Variants in XYLT1 observed in about 807,000 individuals in gnomAD.
XYLT1 encodes beta-D-xylosyltransferase 1.
In XYLT1, 36 loss-of-function variants were observed where a neutral mutation model predicts 91.3. The observed-to-expected ratio is 0.39, with a 90% CI of 0.30 to 0.52. The LOEUF (loss-of-function observed/expected upper bound fraction) is 0.52, where lower values mean the gene tolerates loss of function less well. Among genes scored for constraint, XYLT1 ranks in the 20% least tolerant of loss-of-function variants. XYLT1 has a pLI of 0.68. For missense variants in XYLT1, 1,242 were observed against 1,284.5 expected, an observed-to-expected ratio of 0.97 and a Z score of 0.51; for synonymous variants, 588 against 532.0, an observed-to-expected ratio of 1.11 and a Z score of -1.45.
chr16:17,400,210 G>A (rs2035946102), intron 1 of XYLT1, among the ~76,000 whole-genome samples: 3 of 152,194 alleles, frequency 2.0e-5, no homozygotes. Flanking sequence ...AACAGTGGGT[G>A]CAGCTGACCC....
chr16:17,129,271 T>C (rs117691946), intron 9 of XYLT1, among the ~76,000 whole-genome samples: 1 of 152,156 alleles, frequency 6.6e-6, no homozygotes, highest in Non-Finnish European at 1.5e-5. Flanking sequence ...ATTTTATTTA[T>C]TTATTTTTGA....
intron 1 of XYLT1, among the ~76,000 whole-genome samples, chr16:17,370,648 A>G (rs1365975111): frequency 6.6e-6 from 1 of 152,232 alleles, no homozygotes; most frequent in African/African-American, 2.4e-5. Flanking sequence ...GAGGTGGCCA[A>G]CAGAAACTGG....
intron 3 of XYLT1, among the ~76,000 whole-genome samples, chr16:17,241,122 G>T (rs2033338777): frequency 6.6e-6 from 1 of 152,226 alleles, no homozygotes; most frequent in Non-Finnish European, 1.5e-5. Flanking sequence ...CCGCTGATCT[G>T]CTGCAGTCTT....
At chr16:17,179,763 T>C (rs2032025586) in intron 5 of XYLT1, among the ~76,000 whole-genome samples, 1 of 152,246 alleles carries the variant, frequency 6.6e-6, no homozygotes, top group Non-Finnish European at 1.5e-5. Context: ...TTTCATTTTA[T>C]TTATTTATTT....
chr16:17,179,105 G>A (rs2032009625), intron 5 of XYLT1, among the ~76,000 whole-genome samples: 1 of 152,008 alleles, frequency 6.6e-6, no homozygotes, highest in South Asian at 2.1e-4. Context: ...GAACGGAGCT[G>A]GAGGCTTTTA....
intron 3 of XYLT1, among the ~76,000 whole-genome samples, chr16:17,223,248 T>C (rs775788878): frequency 2.6e-5 from 4 of 152,244 alleles, no homozygotes; most frequent in Admixed American, 2.6e-4. Flanking sequence ...GTTCCCAGCA[T>C]TGGGGAAGCT....
At position 17,108,128 on chromosome 16, in the gene XYLT1, A is replaced by G. The variant is rs7194453; in HGVS notation, c.*567T>C. On this transcript the variant is annotated 3_prime_UTR_variant, in exon 12 of 12. Transcript: ENST00000261381. Reference sequence around the variant, plus strand: ...GAAGCAGAAAAATGAACCAAAGGGCAGGGCTGGAGTTTGAACCCATGGTTG... The same window carrying G: ...GAAGCAGAAAAATGAACCAAAGGGCGGGGCTGGAGTTTGAACCCATGGTTG... The G allele has an allele frequency of 0.073, 11,151 of 152,824 alleles. 1,385 individuals carry two copies. The highest frequency in any genetic ancestry group is 0.26 in the African/African-American group (10,612 of 41,528). The allele number at this position is 152,824 out of a possible 1,614,324, so 9.5% of individuals were successfully genotyped here.
At chr16:17,314,976 C>T (rs2034605388) in intron 2 of XYLT1, among the ~76,000 whole-genome samples, 1 of 152,114 alleles carries the variant, frequency 6.6e-6, no homozygotes, top group South Asian at 2.1e-4. Flanking sequence ...CAAGGTCAGG[C>T]CTTGGCTTAT....
At chr16:17,393,042 C>T (rs923256854) in intron 1 of XYLT1, among the ~76,000 whole-genome samples, 2 of 152,160 alleles carry the variant, frequency 1.3e-5, no homozygotes, top group African/African-American at 4.8e-5. Flanking sequence ...TTCCTCCTTC[C>T]CCTCCTGCCC....
chr16:17,259,970 T>C (rs1046044544), intron 2 of XYLT1, among the ~76,000 whole-genome samples: 5 of 152,112 alleles, frequency 3.3e-5, no homozygotes, highest in South Asian at 2.1e-4. Context: ...CTCATATATC[T>C]ATGCCCATAA....
intron 2 of XYLT1, among the ~76,000 whole-genome samples, chr16:17,344,954 G>A (rs368813333): frequency 6.6e-6 from 1 of 152,148 alleles, no homozygotes; most frequent in Admixed American, 6.5e-5. Context: ...GCCTGCCTCA[G>A]CCTCCCAAAG....
intron 3 of XYLT1, among the ~76,000 whole-genome samples, chr16:17,258,072 G>A (rs1342492479): frequency 3.3e-5 from 5 of 152,134 alleles, no homozygotes; most frequent in African/African-American, 1.2e-4. Context: ...AAGAGAGCTG[G>A]TTTATCATCA....
intron 9 of XYLT1, among the ~76,000 whole-genome samples, chr16:17,132,889 C>T (rs2030547617): frequency 6.6e-6 from 1 of 152,178 alleles, no homozygotes; most frequent in South Asian, 2.1e-4. Flanking sequence ...GAGTAAGACT[C>T]TGTCTCAAAA....
chr16:17,383,594 GAAC>G (rs2035709042), intron 1 of XYLT1, among the ~76,000 whole-genome samples: 1 of 151,820 alleles, frequency 6.6e-6, no homozygotes, highest in East Asian at 2.0e-4. Flanking sequence ...TCAACAAAAG[GAAC>G]ATTTACATTT....
chr16:17,308,126 C>T (rs1286719792), intron 2 of XYLT1, among the ~76,000 whole-genome samples: 6 of 152,112 alleles, frequency 3.9e-5, no homozygotes, highest in South Asian at 2.1e-4. Flanking sequence ...TTGAAGGCTT[C>T]GTAACATGGC....
intron 9 of XYLT1, among the ~76,000 whole-genome samples, chr16:17,132,994 T>C (rs528666767): frequency 6.6e-5 from 10 of 152,336 alleles, no homozygotes; most frequent in African/African-American, 2.2e-4. Context: ...AGTATTACTC[T>C]TCTCATTTCA....
intron 2 of XYLT1, among the ~76,000 whole-genome samples, chr16:17,341,514 C>T (rs2035063240): frequency 6.6e-6 from 1 of 152,128 alleles, no homozygotes; most frequent in Non-Finnish European, 1.5e-5. Context: ...AGGTTCCTGC[C>T]AATATGCACA....
intron 2 of XYLT1, among the ~76,000 whole-genome samples, chr16:17,274,619 G>A (rs962897196): frequency 6.6e-5 from 10 of 152,114 alleles, no homozygotes; most frequent in African/African-American, 2.4e-4. Context: ...ATTTCATCAA[G>A]GGTGTGGAGC....
intron 2 of XYLT1, among the ~76,000 whole-genome samples, chr16:17,348,857 CA>C (rs1489241526): frequency 8.5e-5 from 13 of 152,340 alleles, no homozygotes; most frequent in Middle Eastern, 3.4e-3. Flanking sequence ...AGCCCTGCCC[CA>C]AAACCCCATG....
Sources: gnomAD v4.1 joint callset for allele counts (sites outside exome capture counted in the v4.1 genomes callset) on GRCh38, gnomAD v4.1.1 for gene constraint, MANE v1.5 for transcripts, NCBI Gene and HGNC (gene_info 2026-07-23, HGNC 2026-07-21) for gene names.